Variants in ASTN2 observed in about 807,000 individuals in gnomAD.
ASTN2 encodes the protein astrotactin-2.
ASTN2 carries 54 observed loss-of-function variants against 139.8 expected under a neutral mutation model. The ratio of observed to expected loss-of-function variants is 0.39; its 90% CI spans 0.31 to 0.48. The LOEUF (loss-of-function observed/expected upper bound fraction) is 0.48, where lower values mean the gene tolerates loss of function less well. Among genes scored for constraint, ASTN2 ranks in the 20% least tolerant of loss-of-function variants. ASTN2 has a pLI of 0.95. For synonymous variants in ASTN2, 756 were observed against 719.5 expected, an observed-to-expected ratio of 1.05 and a Z score of -0.81; for missense variants, 1,565 against 1,725.1, an observed-to-expected ratio of 0.91 and a Z score of 1.64.
chr9:116,540,009 CATAAA>C (rs1248024143), intron 19 of ASTN2, among the ~76,000 whole-genome samples: 1 of 152,116 alleles, frequency 6.6e-6, no homozygotes, highest in Non-Finnish European at 1.5e-5. Context: ...ATAAATGGCA[CATAAA>C]ATAAAGTGTC....
chr9:116,676,423 T>C (rs187924397), intron 16 of ASTN2, among the ~76,000 whole-genome samples: 2 of 152,276 alleles, frequency 1.3e-5, no homozygotes, highest in East Asian at 3.9e-4. Flanking sequence ...GGATTTAGGA[T>C]CCCTACAAGC....
chr9:117,122,110 G>A (rs1320085183), intron 4 of ASTN2, among the ~76,000 whole-genome samples: 1 of 152,184 alleles, frequency 6.6e-6, no homozygotes, highest in African/African-American at 2.4e-5. Context: ...GACACACAAT[G>A]TAGATCTCCT....
chr9:117,063,193 T>C (rs2132691616), intron 5 of ASTN2, among the ~76,000 whole-genome samples: 1 of 152,352 alleles, frequency 6.6e-6, no homozygotes, highest in South Asian at 2.1e-4. Flanking sequence ...GAGCAATTCT[T>C]AGACACAGTT....
chr9:117,126,648 G>A (rs555930234), intron 4 of ASTN2, among the ~76,000 whole-genome samples: 8 of 152,302 alleles, frequency 5.3e-5, no homozygotes, highest in African/African-American at 1.9e-4. Flanking sequence ...TCCAGCCAAG[G>A]CAAAGGAGTA....
At chr9:116,918,230 T>C (rs1295511227) in intron 10 of ASTN2, among the ~76,000 whole-genome samples, 1 of 152,264 alleles carries the variant, frequency 6.6e-6, no homozygotes, top group South Asian at 2.1e-4. Context: ...ACCCCATACC[T>C]GTGTGGATGG....
At chr9:117,379,185 C>T (rs560231909) in intron 1 of ASTN2, among the ~76,000 whole-genome samples, 2 of 152,112 alleles carry the variant, frequency 1.3e-5, no homozygotes, top group African/African-American at 4.8e-5. Flanking sequence ...TGAGGACAGA[C>T]TAATGCAGTC....
intron 11 of ASTN2, among the ~76,000 whole-genome samples, chr9:116,827,578 A>G (rs1202972595): frequency 6.6e-6 from 1 of 152,146 alleles, no homozygotes; most frequent in African/African-American, 2.4e-5. Flanking sequence ...GAAATACAAA[A>G]GATCATCAGA....
intron 11 of ASTN2, among the ~76,000 whole-genome samples, chr9:116,855,503 T>C (rs115425978): frequency 6.6e-6 from 1 of 152,218 alleles, no homozygotes; most frequent in Non-Finnish European, 1.5e-5. Flanking sequence ...TTCCAATACT[T>C]AGCCTCTTTA....
chr9:117,025,086 A>T (rs1838021127), intron 6 of ASTN2, among the ~76,000 whole-genome samples: 1 of 152,140 alleles, frequency 6.6e-6, no homozygotes, highest in South Asian at 2.1e-4. Context: ...AGTCTCGGGT[A>T]TATCTTTATT....
chr9:116,454,392 G>GA (rs201597858), intron 20 of ASTN2, among the ~76,000 whole-genome samples: 17 of 146,930 alleles, frequency 1.2e-4, no homozygotes, highest in Non-Finnish European at 2.1e-4. Flanking sequence ...ATTCATCAAG[G>GA]AAAAAAAAAA....
chr9:116,638,859 T>C (rs538947158), intron 17 of ASTN2, among the ~76,000 whole-genome samples: 1 of 152,352 alleles, frequency 6.6e-6, no homozygotes, highest in Non-Finnish European at 1.5e-5. Context: ...GGATGTTTGA[T>C]GATATAGAGA....
At chr9:116,813,171 C>A (rs1831213852) in intron 12 of ASTN2, among the ~76,000 whole-genome samples, 1 of 151,876 alleles carries the variant, frequency 6.6e-6, no homozygotes, top group African/African-American at 2.4e-5. Flanking sequence ...ATACATGTGC[C>A]AAAATGAAAA....
intron 2 of ASTN2, among the ~76,000 whole-genome samples, chr9:117,255,740 A>G (rs1833669242): frequency 6.6e-6 from 1 of 152,184 alleles, no homozygotes. Context: ...ATGTATGACA[A>G]AGAGAATTGC....
intron 2 of ASTN2, among the ~76,000 whole-genome samples, chr9:117,256,081 C>T (rs141630447): frequency 1.3e-5 from 2 of 152,296 alleles, no homozygotes; most frequent in Non-Finnish European, 2.9e-5. Context: ...GCATTTGAGG[C>T]TCACACCAAG....
intron 11 of ASTN2, among the ~76,000 whole-genome samples, chr9:116,855,826 T>C (rs890930844): frequency 6.6e-6 from 1 of 152,172 alleles, no homozygotes. Context: ...CCTTATAAGG[T>C]AGCTGTGAGG....
intron 16 of ASTN2, among the ~76,000 whole-genome samples, chr9:116,711,800 A>G (rs2132096776): frequency 6.6e-6 from 1 of 152,186 alleles, no homozygotes; most frequent in Admixed American, 6.5e-5. Context: ...CACATACATT[A>G]ATTTTTTTTC....
intron 10 of ASTN2, among the ~76,000 whole-genome samples, chr9:116,878,427 A>G (rs573655250): frequency 3.3e-5 from 5 of 152,342 alleles, no homozygotes; most frequent in Admixed American, 1.3e-4. Flanking sequence ...GGAAGCCATT[A>G]TCCTCAGCAA....
intron 10 of ASTN2, among the ~76,000 whole-genome samples, chr9:116,909,922 C>T (rs1248017497): frequency 1.3e-5 from 2 of 152,068 alleles, no homozygotes; most frequent in African/African-American, 2.4e-5. Flanking sequence ...TTATAATATT[C>T]CTGGGAGACA....
At chr9:117,222,163 G>A (rs557728877) in intron 2 of ASTN2, among the ~76,000 whole-genome samples, 1 of 152,184 alleles carries the variant, frequency 6.6e-6, no homozygotes, top group African/African-American at 2.4e-5. Context: ...CCGTAACTAA[G>A]GCACACATGG....
Sources: allele counts gnomAD v4.1 joint callset (sites outside exome capture counted in the v4.1 genomes callset), GRCh38; gene constraint gnomAD v4.1.1; transcripts MANE v1.5; gene names NCBI Gene and HGNC (gene_info 2026-07-23, HGNC 2026-07-21).